Variants in VTI1A observed in about 807,000 individuals in gnomAD.
VTI1A encodes vesicle transport through interaction with t-SNAREs homolog 1A.
Under a neutral mutation model 34.9 loss-of-function variants are expected in VTI1A, and 22 were observed. That is an observed-to-expected ratio of 0.63 (90% CI 0.45 to 0.90). The LOEUF is 0.90. Ranked by LOEUF, VTI1A falls within the 40% of genes least tolerant of loss-of-function variation. The probability of loss-of-function intolerance (pLI) is 0.00; values close to 1 mark genes in which losing one functional copy is unlikely to be tolerated. For synonymous variants in VTI1A, 87 were observed against 97.3 expected (o/e 0.89, Z 0.62); for missense variants, 268 against 275.6 (o/e 0.97, Z 0.20).
intron 5 of VTI1A, among the ~76,000 whole-genome samples, chr10:112,656,406 TTA>T (rs1425049451): frequency 2.3e-5 from 3 of 131,156 alleles, no homozygotes; most frequent in South Asian, 5.1e-4. Context: ...TTTTTTTTTT[TTA>T]AACAGGGTCT....
chr10:112,806,379 G>A (rs181176827), intron 7 of VTI1A, among the ~76,000 whole-genome samples: 99 of 152,080 alleles, frequency 6.5e-4, no homozygotes, highest in African/African-American at 2.2e-3. Flanking sequence ...TCCACCTCCC[G>A]GGTTCAAGCG....
intron 7 of VTI1A, among the ~76,000 whole-genome samples, chr10:112,748,531 A>G (rs1850984117): frequency 6.6e-6 from 1 of 151,822 alleles, no homozygotes. Flanking sequence ...TCTGAAAGCC[A>G]AGATGTGCCC....
At position 112,815,998 on chromosome 10, in the gene VTI1A, C is replaced by A; in HGVS notation, c.*615C>A. The A allele has an allele frequency of 4.5e-6, 1 of 224,634 alleles. No homozygotes were observed. Among genetic ancestry groups the A allele is most frequent in the Non-Finnish European group, 8.9e-6 (1 of 112,924 alleles). 13.9% of individuals were successfully genotyped at this position (224,634 alleles called of 1,614,324 possible). ...TTCTATTGCATAATTTTTTTTTTAACCCAAAGATATTTTTTTTGCTGAGCC... is the reference window on the plus strand; with the variant it reads ...TTCTATTGCATAATTTTTTTTTTAAACCAAAGATATTTTTTTTGCTGAGCC... On this transcript the variant is annotated 3_prime_UTR_variant, in exon 8 of 8. Transcript: ENST00000393077.
intron 7 of VTI1A, among the ~76,000 whole-genome samples, chr10:112,814,156 A>C (rs1447868540): frequency 2.0e-5 from 3 of 152,170 alleles, no homozygotes; most frequent in South Asian, 2.1e-4. Context: ...TGAAGATACA[A>C]AGTAGGGGTG....
chr10:112,529,313 T>G (rs1189923100), intron 4 of VTI1A, among the ~76,000 whole-genome samples: 2 of 152,164 alleles, frequency 1.3e-5, no homozygotes, highest in Admixed American at 1.3e-4. Context: ...ATGAAGTCAT[T>G]GCATTTTGTT....
At chr10:112,763,086 A>G (rs1395625081) in intron 7 of VTI1A, among the ~76,000 whole-genome samples, 1 of 152,064 alleles carries the variant, frequency 6.6e-6, no homozygotes. Flanking sequence ...CAGTTTGGTG[A>G]GTAGAGAATG....
intron 7 of VTI1A, among the ~76,000 whole-genome samples, chr10:112,726,875 T>C (rs1046505637): frequency 2.6e-5 from 4 of 152,150 alleles, no homozygotes; most frequent in Admixed American, 2.0e-4. Flanking sequence ...CAGTTTCAAA[T>C]CACTCCACTC....
At position 112,477,030 on chromosome 10, in the gene VTI1A, A is replaced by G. The variant is rs139904561; in HGVS notation, c.264+12373A>G. 1.5e-3 allele frequency among the ~76,000 whole-genome samples: 222 copies of G among 152,332 alleles called. 6 individuals carry two copies. In the East Asian group the frequency reaches 0.039, roughly 27 times the overall value. ...GAGTTTTGCTATGTCAACTATTTTAAGCTTTCTTATACAAGAAGTTAAATT... is the reference window on the plus strand; with the variant it reads ...GAGTTTTGCTATGTCAACTATTTTAGGCTTTCTTATACAAGAAGTTAAATT... On this transcript the variant is annotated intron_variant, in intron 3 of 7. Coordinates refer to ENST00000393077, the MANE Select transcript of VTI1A (RefSeq NM_145206.4).
intron 5 of VTI1A, among the ~76,000 whole-genome samples, chr10:112,626,558 A>T (rs2134596380): frequency 6.6e-6 from 1 of 152,232 alleles, no homozygotes; most frequent in South Asian, 2.1e-4. Flanking sequence ...GCTTAGTAAA[A>T]TAACTCCTAA....
At chr10:112,563,051 A>T (rs1851781996) in intron 5 of VTI1A, among the ~76,000 whole-genome samples, 1 of 152,178 alleles carries the variant, frequency 6.6e-6, no homozygotes, top group East Asian at 1.9e-4. Flanking sequence ...GACCAGCCGT[A>T]CTAGCACAAA....
At chr10:112,506,013 TA>T (rs1849416239) in intron 3 of VTI1A, among the ~76,000 whole-genome samples, 1 of 152,158 alleles carries the variant, frequency 6.6e-6, no homozygotes, top group African/African-American at 2.4e-5. Context: ...ATAAAATTAA[TA>T]ATAGGTATGT....
chr10:112,643,985 TA>T (rs11288631), intron 5 of VTI1A, among the ~76,000 whole-genome samples: 39,747 of 145,282 alleles, frequency 0.27, 5,752 homozygotes, highest in South Asian at 0.43. Flanking sequence ...GAATAGGAGG[TA>T]AAAAAAAAAA....
rs1853593222 is a variant in VTI1A at position 112,818,726 on chromosome 10, A to G, written c.*3343A>G. 5.1e-6 allele frequency: 1 copy of G among 196,632 alleles called. No individual in the cohort carries two copies. Among genetic ancestry groups the G allele is most frequent in the Non-Finnish European group, 1.1e-5 (1 of 94,674 alleles). 12.2% of individuals were successfully genotyped at this position (196,632 alleles called of 1,614,324 possible). A position where few individuals can be genotyped will look rare whatever the true frequency, so the allele number is the denominator to read the frequency against. Reference sequence around the variant, plus strand: ...TTACGTTCATTAACAAATTGCATTAAACAACTGTTAAGGGCTAATGATTTG... The same window carrying G: ...TTACGTTCATTAACAAATTGCATTAGACAACTGTTAAGGGCTAATGATTTG... On this transcript the variant is annotated 3_prime_UTR_variant, in exon 8 of 8. Transcript: ENST00000393077.
At chr10:112,690,684 G>C (rs1172539249) in intron 7 of VTI1A, among the ~76,000 whole-genome samples, 2 of 152,114 alleles carry the variant, frequency 1.3e-5, no homozygotes, top group Non-Finnish European at 2.9e-5. Flanking sequence ...TTCTTCATCG[G>C]TAAAATGCTA....
chr10:112,719,526 A>G, intron 7 of VTI1A, among the ~76,000 whole-genome samples: 1 of 151,812 alleles, frequency 6.6e-6, no homozygotes, highest in African/African-American at 2.4e-5. Context: ...TCATGCAACC[A>G]TCACCACAAA....
chr10:112,486,225 A>G (rs1781765631), intron 3 of VTI1A, among the ~76,000 whole-genome samples: 1 of 152,204 alleles, frequency 6.6e-6, no homozygotes, highest in Non-Finnish European at 1.5e-5. Flanking sequence ...GACTGGAAAG[A>G]GCACTGAACT....
At chr10:112,573,596 G>T (rs553643462) in intron 5 of VTI1A, among the ~76,000 whole-genome samples, 1 of 152,288 alleles carries the variant, frequency 6.6e-6, no homozygotes, top group African/African-American at 2.4e-5. Context: ...GAATCAAAGA[G>T]ATTCAAATTT....
chr10:112,751,555 G>C (rs1379420414), intron 7 of VTI1A, among the ~76,000 whole-genome samples: 1 of 151,450 alleles, frequency 6.6e-6, no homozygotes, highest in African/African-American at 2.4e-5. Flanking sequence ...CATCTCATGG[G>C]GATGCAGTTA....
At chr10:112,456,348 G>A (rs1847524182) in intron 1 of VTI1A, among the ~76,000 whole-genome samples, 1 of 151,612 alleles carries the variant, frequency 6.6e-6, no homozygotes, top group African/African-American at 2.4e-5. Context: ...CTTGAACCTG[G>A]GAGGTGGAGG....
Sources: allele counts gnomAD v4.1 joint callset (sites outside exome capture counted in the v4.1 genomes callset), GRCh38; gene constraint gnomAD v4.1.1; transcripts MANE v1.5; gene names NCBI Gene and HGNC (gene_info 2026-07-23, HGNC 2026-07-21).